Variants in ITGAE observed in about 807,000 individuals in gnomAD.
ITGAE encodes the protein integrin alpha-E.
A neutral mutation model predicts 136.5 loss-of-function variants in ITGAE; 99 were observed. The ratio of observed to expected loss-of-function variants is 0.73; its 90% CI spans 0.62 to 0.86. ITGAE has a LOEUF of 0.86. ITGAE is among the 40% of genes least tolerant of loss of function. The probability of loss-of-function intolerance (pLI) is 0.00; values close to 1 mark genes in which losing one functional copy is unlikely to be tolerated. For missense variants in ITGAE, 1,447 were observed against 1,515.3 expected (o/e 0.95, Z 0.75); for synonymous variants, 613 against 591.8 (o/e 1.04, Z -0.52).
chr17:3,774,468 A>G (rs967389648), intron 2 of ITGAE, among the ~76,000 whole-genome samples: 2 of 152,162 alleles, frequency 1.3e-5, no homozygotes, highest in African/African-American at 2.4e-5. Flanking sequence ...ACACAGCACT[A>G]GAAGTCATTT....
intron 1 of ITGAE, among the ~76,000 whole-genome samples, chr17:3,791,747 C>T (rs2052945373): frequency 6.6e-6 from 1 of 152,278 alleles, no homozygotes; most frequent in Middle Eastern, 3.4e-3. Flanking sequence ...CAGAATGGGG[C>T]TGGGAGTCTG....
At chr17:3,753,745 A>T (rs746516382) in intron 13 of ITGAE, 38 bp downstream of exon 13, 1 of 1,610,360 alleles carries the variant, frequency 6.2e-7, no homozygotes, top group Admixed American at 1.7e-5. Flanking sequence ...CAGATTCCCC[A>T]TCGGTCATAA....
At chr17:3,787,540 G>A (rs755434496) in intron 1 of ITGAE, among the ~76,000 whole-genome samples, 2 of 152,148 alleles carry the variant, frequency 1.3e-5, no homozygotes, top group Non-Finnish European at 2.9e-5. Context: ...TTCCAGGTGT[G>A]AGCCACTGTG....
chr17:3,757,051 C>G lies in ITGAE; in HGVS notation c.1104G>C (p.Lys368Asn), dbSNP rs1384019889. Residue 368 changes from lysine (K) to asparagine (N), a missense_variant, in exon 10 of 31, where the codon AAG (lysine) becomes AAC (asparagine). This residue lies in a region of ITGAE where 310 missense variants were observed against 416.1 expected (regional missense o/e 0.74). Coordinates refer to ENST00000263087, the MANE Select transcript of ITGAE (RefSeq NM_002208.5). Reference protein sequence around the residue: ...ASDPDETHAFKVTNYMALDGL... With the variant: ...ASDPDETHAFNVTNYMALDGL... ...CATCCAGCGCCATGTAGTTGGTCAC[C>G]TTGAAAGCATGGGTCTCATCCGGGT... 1 of 1,614,228 alleles carries G rather than the reference C, an allele frequency of 6.2e-7. No individual in the cohort carries two copies.
At chr17:3,755,084 G>GGCCCCGCCCTCATCAGGTT in intron 12 of ITGAE, 33 bp downstream of exon 12, 2 of 1,562,180 alleles carry the variant, frequency 1.3e-6, no homozygotes, top group Non-Finnish European at 8.6e-7. Flanking sequence ...CTCATCAGGT[G>GGCCCCGCCCTCATCAGGTT]GCCCCGCCCT....
intron 28 of ITGAE, 102 bp from the exon 29 acceptor site, chr17:3,720,504 GGGCTTAGTTAAT>G (rs1239168921): frequency 4.6e-6 from 3 of 646,496 alleles, no homozygotes; most frequent in Non-Finnish European, 8.5e-6. Flanking sequence ...AGGTATTCCT[GGGCTTAGTTAAT>G]GGCCCTAACG....
chr17:3,794,281 A>T (rs1189072833), intron 1 of ITGAE, among the ~76,000 whole-genome samples: 1 of 150,822 alleles, frequency 6.6e-6, no homozygotes, highest in East Asian at 1.9e-4. Flanking sequence ...CTGGCCTCTA[A>T]TTTTTTTTTA....
intron 2 of ITGAE, among the ~76,000 whole-genome samples, chr17:3,765,558 A>C (rs1195440663): frequency 1.3e-5 from 2 of 151,972 alleles, no homozygotes; most frequent in Non-Finnish European, 2.9e-5. Context: ...CCATCCGCCC[A>C]CCCACAACTG....
At chr17:3,787,791 G>A (rs189640156) in intron 1 of ITGAE, among the ~76,000 whole-genome samples, 25 of 151,676 alleles carry the variant, frequency 1.6e-4, no homozygotes, top group African/African-American at 5.8e-4. Context: ...GAGTTCAAGT[G>A]ATTCTCCTGC....
At chr17:3,789,647 T>C (rs1378963134) in intron 1 of ITGAE, among the ~76,000 whole-genome samples, 7 of 152,132 alleles carry the variant, frequency 4.6e-5, no homozygotes, top group Admixed American at 3.9e-4. Context: ...ATTGCAGGCA[T>C]GTGCCACCAC....
intron 1 of ITGAE, among the ~76,000 whole-genome samples, chr17:3,795,929 C>CTG (rs2053064989): frequency 9.5e-6 from 1 of 105,734 alleles, no homozygotes. Context: ...GTGTGTGCAT[C>CTG]CGTGTGTGTG....
intron 26 of ITGAE, chr17:3,725,040 AC>A: frequency 6.2e-7 from 1 of 1,614,204 alleles, no homozygotes; most frequent in Non-Finnish European, 8.5e-7. Flanking sequence ...TTCGTTCCCC[AC>A]CCAGGACCTG....
Position 3,720,307 on chromosome 17 carries a change from C to A in ITGAE, c.3333G>T (p.Lys1111Asn), listed in dbSNP as rs1441015661. The change falls in exon 29 of 31, where the codon AAG becomes AAT. Residue 1111 changes from lysine to asparagine, a missense_variant and splice_region_variant. Coordinates refer to ENST00000263087, the MANE Select transcript of ITGAE (RefSeq NM_002208.5). ...EGLNAENHRT[K>N]ITVVFLKDEK... is the part of the protein sequence containing the mutation. ...TACTCAGAAGCCAGCCAGGAATTAC[C>A]TTAGTTCTGTGGTTCTCTGCATTCA... 3 of 1,513,196 alleles carry A rather than the reference C, an allele frequency of 2.0e-6. No homozygotes were observed. Among genetic ancestry groups the A allele is most frequent in the Non-Finnish European group, 1.8e-6 (2 of 1,088,492 alleles). 93.7% of individuals were successfully genotyped at this position (1,513,196 alleles called of 1,614,324 possible). A position where few individuals can be genotyped will look rare whatever the true frequency, so the allele number is the denominator to read the frequency against.
intron 16 of ITGAE, among the ~76,000 whole-genome samples, chr17:3,749,374 T>A (rs976605675): frequency 2.6e-5 from 4 of 151,910 alleles, no homozygotes; most frequent in African/African-American, 9.7e-5. Flanking sequence ...TGCCTCAGCC[T>A]CCCGAGTCGC....
intron 30 of ITGAE, among the ~76,000 whole-genome samples, 198 bp downstream of exon 30, chr17:3,716,490 A>T (rs2737131): frequency 0.38 from 57,518 of 152,092 alleles, 13,005 homozygotes; most frequent in South Asian, 0.6. Context: ...CACTCTTTAT[A>T]ACTCAGAGTT....
chr17:3,787,285 T>C (rs2052823711), intron 1 of ITGAE, among the ~76,000 whole-genome samples: 1 of 151,976 alleles, frequency 6.6e-6, no homozygotes, highest in African/African-American at 2.4e-5. Flanking sequence ...CTAAGTTTTG[T>C]ATTTTTATTA....
At chr17:3,725,068 T>C (rs3809806) in intron 26 of ITGAE, 869,256 of 1,613,860 alleles carry the variant, frequency 0.54, 238,087 homozygotes, top group African/African-American at 0.64. Flanking sequence ...TTACAGAATG[T>C]CTGCTTTTGG....
In ITGAE at chr17:3,761,981, C is replaced by T; in HGVS notation, c.249G>A (p.Glu83=). ...VQDEILCHPV[E]HVPIPKGRHR... ...GCCTCCCCTTGGGGATGGGGACATG[C>T]TCTGAAAAAGTTAAGCCCAGGTGAG... Residue 83 remains glutamate, a splice_region_variant and synonymous_variant, in exon 4 of 31, where the codon GAG becomes GAA. Coordinates refer to ENST00000263087, the MANE Select transcript of ITGAE (RefSeq NM_002208.5). The T allele has an allele frequency of 1.2e-6, 2 of 1,613,576 alleles. No homozygotes were observed. Among genetic ancestry groups the T allele is most frequent in the Non-Finnish European group, 8.5e-7 (1 of 1,179,816 alleles).
chr17:3,761,307 G>T, intron 5 of ITGAE, 96 bp downstream of exon 5: 2 of 1,540,642 alleles, frequency 1.3e-6, no homozygotes, highest in Non-Finnish European at 1.7e-6. Flanking sequence ...CTGTGGGCCT[G>T]CGTCCCACTG....
Sources: allele counts gnomAD v4.1 joint callset (sites outside exome capture counted in the v4.1 genomes callset), GRCh38; gene constraint gnomAD v4.1.1; regional missense constraint gnomAD v4.1.1; transcripts MANE v1.5; gene names NCBI Gene and HGNC (gene_info 2026-07-23, HGNC 2026-07-21).